The following AFF3 variants were observed in gnomAD, a reference collection of about 807,000 sequenced individuals.
AFF3 encodes AF4/FMR2 family member 3.
A neutral mutation model predicts 129.7 loss-of-function variants in AFF3; 32 were observed. The observed-to-expected ratio is 0.25, with a 90% CI of 0.19 to 0.33. AFF3 has a LOEUF of 0.33. Ranked by LOEUF, AFF3 falls within the 10% of genes least tolerant of loss-of-function variation. AFF3 has a pLI of 1.00. For missense variants in AFF3, 1,373 were observed against 1,592.0 expected (o/e 0.86, Z 2.34); for synonymous variants, 644 against 635.4 (o/e 1.01, Z -0.20).
intron 7 of AFF3, among the ~76,000 whole-genome samples, chr2:99,883,740 G>C (rs546789555): frequency 6.6e-6 from 1 of 152,230 alleles, no homozygotes; most frequent in Admixed American, 6.5e-5. Flanking sequence ...AATCAACAGA[G>C]AGCCTTCTAC....
chr2:99,971,612 T>C (rs1421534357), intron 7 of AFF3, among the ~76,000 whole-genome samples: 1 of 152,242 alleles, frequency 6.6e-6, no homozygotes, highest in Non-Finnish European at 1.5e-5. Context: ...TAATTCACAC[T>C]GTGCAGTCCA....
At chr2:99,565,680 T>C in intron 19 of AFF3, 57 bp from the exon 20 acceptor site, 4 of 1,578,486 alleles carry the variant, frequency 2.5e-6, no homozygotes, top group Non-Finnish European at 3.5e-6. Flanking sequence ...TTAAATGGCA[T>C]TGTCATGTAG....
chr2:99,909,337 T>C (rs1019309812), intron 7 of AFF3, among the ~76,000 whole-genome samples: 1 of 99,646 alleles, frequency 1.0e-5, no homozygotes, highest in Non-Finnish European at 2.0e-5. Flanking sequence ...GGGACTGCTG[T>C]GGGGTGAGGG....
At chr2:99,630,286 A>G (rs1387485989) in intron 13 of AFF3, among the ~76,000 whole-genome samples, 1 of 152,234 alleles carries the variant, frequency 6.6e-6, no homozygotes, top group Admixed American at 6.5e-5. Flanking sequence ...GTTAAATACT[A>G]ACCACAGTGA....
chr2:99,837,345 T>A (rs539090576), intron 8 of AFF3, 132 bp downstream of exon 8: 3 of 840,508 alleles, frequency 3.6e-6, no homozygotes, highest in Non-Finnish European at 5.5e-6. Flanking sequence ...CAAAAACTTA[T>A]GTGACTACTC....
chr2:100,037,454 TTATA>T (rs1162951324), intron 4 of AFF3, among the ~76,000 whole-genome samples: 1 of 120,756 alleles, frequency 8.3e-6, no homozygotes, highest in African/African-American at 3.1e-5. Flanking sequence ...TATATATTAT[TTATA>T]TATAAATATA....
chr2:99,952,530 G>A (rs986436567), intron 7 of AFF3, among the ~76,000 whole-genome samples: 1 of 152,130 alleles, frequency 6.6e-6, no homozygotes, highest in Admixed American at 6.6e-5. Flanking sequence ...GCCCTGCCTT[G>A]GCTGACCTCC....
intron 4 of AFF3, among the ~76,000 whole-genome samples, chr2:100,061,854 T>TGG (rs869209436): frequency 0.016 from 1,199 of 74,730 alleles, 49 homozygotes; most frequent in East Asian, 0.064. Flanking sequence ...GGTAGCACAG[T>TGG]GGAGGGGGGG....
At chr2:99,916,214 T>A (rs1293935774) in intron 7 of AFF3, among the ~76,000 whole-genome samples, 1 of 152,218 alleles carries the variant, frequency 6.6e-6, no homozygotes, top group Non-Finnish European at 1.5e-5. Flanking sequence ...TCTTCCCTTC[T>A]GCGAGACCTT....
intron 7 of AFF3, among the ~76,000 whole-genome samples, chr2:99,892,762 C>T (rs977189247): frequency 6.6e-6 from 1 of 152,200 alleles, no homozygotes; most frequent in Non-Finnish European, 1.5e-5. Flanking sequence ...AGACAGCATC[C>T]GATCTCTGTA....
intron 7 of AFF3, among the ~76,000 whole-genome samples, chr2:99,905,233 G>A (rs1694627674): frequency 6.6e-6 from 1 of 152,294 alleles, no homozygotes; most frequent in Non-Finnish European, 1.5e-5. Context: ...CCTCCGTGGA[G>A]CCCACGTCTT....
At position 99,689,748 on chromosome 2, in the gene AFF3, A is replaced by G. The variant is rs77790979; in HGVS notation, c.1092-17159T>C. On this transcript the variant is annotated intron_variant, in intron 11 of 24. Coordinates refer to ENST00000672756, the MANE Select transcript of AFF3 (RefSeq NM_001386135.1). ...AGAGCACAGTCGATCCACGACTCCA[A>G]ATGGAATGGAATACATTTAAAATAC... 9.7e-3 allele frequency among the ~76,000 whole-genome samples: 1,468 copies of G among 151,766 alleles called. 28 individuals are homozygous for G. Among genetic ancestry groups the G allele is most frequent in the African/African-American group, 0.033 (1,378 of 41,352 alleles).
chr2:100,082,642 A>C (rs1689122333), intron 4 of AFF3, among the ~76,000 whole-genome samples: 1 of 152,180 alleles, frequency 6.6e-6, no homozygotes, highest in South Asian at 2.1e-4. Context: ...TGGAGGGGAA[A>C]AAATCAAGGA....
chr2:100,056,684 T>C (rs1242274652), intron 4 of AFF3, among the ~76,000 whole-genome samples: 1 of 152,184 alleles, frequency 6.6e-6, no homozygotes, highest in African/African-American at 2.4e-5. Context: ...AAAATCAAAA[T>C]AGAAGTTGAG....
intron 4 of AFF3, among the ~76,000 whole-genome samples, chr2:100,099,876 C>G (rs1019701837): frequency 4.0e-5 from 6 of 151,544 alleles, no homozygotes; most frequent in African/African-American, 1.5e-4. Context: ...TCATGATGCT[C>G]TTGTTTCACT....
At chr2:99,872,650 T>TA (rs1385258881) in intron 7 of AFF3, among the ~76,000 whole-genome samples, 1 of 121,730 alleles carries the variant, frequency 8.2e-6, no homozygotes, top group African/African-American at 3.9e-5. Flanking sequence ...AAAATAAAAT[T>TA]TATCGGTCTA....
At chr2:99,675,641 C>T (rs1345015441) in intron 11 of AFF3, among the ~76,000 whole-genome samples, 1 of 152,130 alleles carries the variant, frequency 6.6e-6, no homozygotes, top group Non-Finnish European at 1.5e-5. Flanking sequence ...TCTTAGAGAG[C>T]CTAAGGAGGG....
chr2:99,558,768 G>A, intron 22 of AFF3, 107 bp downstream of exon 22: 1 of 1,060,282 alleles, frequency 9.4e-7, no homozygotes. Flanking sequence ...GGGACCAGAG[G>A]TGACCTGCAT....
rs192567302 is a variant in AFF3, at chr2:99,865,105, T to C, written c.874-27581A>G. Among the ~76,000 whole-genome samples the C allele has an allele frequency of 3.3e-4, 50 of 152,292 alleles. 1 individual carries two copies. In the Middle Eastern group the frequency reaches 0.01, roughly 31 times the overall value. ...CCAAACTGCTGAGAACATGTGGTGG[T>C]TGGATGGAAACCAGACAGTTAAGCA... is the stretch of plus-strand genomic sequence containing the variant. On this transcript the variant is annotated intron_variant, in intron 7 of 24. Transcript: ENST00000672756.
Sources: allele counts gnomAD v4.1 joint callset (sites outside exome capture counted in the v4.1 genomes callset), GRCh38; gene constraint gnomAD v4.1.1; transcripts MANE v1.5; gene names NCBI Gene and HGNC (gene_info 2026-07-23, HGNC 2026-07-21).